Variants in SNX7 observed in about 807,000 individuals in gnomAD.
The protein encoded by SNX7 is sorting nexin-7.
A neutral mutation model predicts 48.4 loss-of-function variants in SNX7; 35 were observed. The observed-to-expected ratio is 0.72, with a 90% CI of 0.55 to 0.96. SNX7 has a LOEUF of 0.96. Among genes scored for constraint, SNX7 ranks in the 40% least tolerant of loss-of-function variants. The pLI, the probability that SNX7 is intolerant of heterozygous loss-of-function variation, is 0.00. For synonymous variants in SNX7, 190 were observed against 190.2 expected (o/e 1.00, Z 0.01); for missense variants, 553 against 548.9 (o/e 1.01, Z -0.07).
At chr1:98,663,665 A>G (rs1449142800) in intron 1 of SNX7, among the ~76,000 whole-genome samples, 1 of 152,180 alleles carries the variant, frequency 6.6e-6, no homozygotes. Context: ...TCTCAGACTA[A>G]GGAATCTAGA....
intron 8 of SNX7, among the ~76,000 whole-genome samples, chr1:98,739,956 A>G (rs1482140): frequency 0.94 from 143,361 of 152,198 alleles, 67,878 homozygotes; most frequent in Non-Finnish European, 0.99. Flanking sequence ...TACATGGGTC[A>G]GAGTTAGGCA....
At chr1:98,712,779 T>C (rs563340350) in intron 7 of SNX7, among the ~76,000 whole-genome samples, 7 of 152,096 alleles carry the variant, frequency 4.6e-5, no homozygotes, top group Admixed American at 3.3e-4. Flanking sequence ...AAGTCTTAGA[T>C]AGCATCTTCC....
intron 7 of SNX7, among the ~76,000 whole-genome samples, chr1:98,725,922 C>T (rs1653141626): frequency 2.0e-5 from 3 of 152,166 alleles, no homozygotes; most frequent in Non-Finnish European, 4.4e-5. Context: ...CCCACCAACA[C>T]TCTCAGGCTT....
chr1:98,717,605 C>A (rs1652657651), intron 7 of SNX7, among the ~76,000 whole-genome samples: 1 of 152,126 alleles, frequency 6.6e-6, no homozygotes, highest in Non-Finnish European at 1.5e-5. Flanking sequence ...GTGATAAATT[C>A]TCTTTGCCAG....
chr1:98,680,436 G>C (rs1650416683), intron 1 of SNX7, among the ~76,000 whole-genome samples: 1 of 152,190 alleles, frequency 6.6e-6, no homozygotes, highest in Non-Finnish European at 1.5e-5. Context: ...TTAACATTCA[G>C]TTCCTTGTTA....
chr1:98,695,515 TAGGA>T lies in SNX7; in HGVS notation c.640-1_642del. Reference sequence around the variant, plus strand: ...CTAGAAATACTTGGTTTTTTGTTTCTAGGAACTCTCTTCTCACAAGAAGCAAGGT... The same window carrying T: ...CTAGAAATACTTGGTTTTTTGTTTCTACTCTCTTCTCACAAGAAGCAAGGT... On this transcript the variant is annotated splice_acceptor_variant and coding_sequence_variant, in exon 5 of 9. Coordinates refer to ENST00000306121, the MANE Select transcript of SNX7 (RefSeq NM_015976.5). LOFTEE classifies it high-confidence loss of function. 1 of 1,611,906 alleles carries T rather than the reference TAGGA, an allele frequency of 6.2e-7. No homozygotes were observed. The highest frequency in any genetic ancestry group is 1.7e-5 in the Admixed American group (1 of 59,670).
intron 7 of SNX7, among the ~76,000 whole-genome samples, chr1:98,718,278 A>G (rs561898011): frequency 1.3e-4 from 20 of 152,258 alleles, no homozygotes; most frequent in Admixed American, 3.3e-4. Context: ...ATACATTAAT[A>G]TAGAAATAAC....
intron 1 of SNX7, among the ~76,000 whole-genome samples, chr1:98,664,512 G>A (rs1040907844): frequency 1.3e-5 from 2 of 152,096 alleles, no homozygotes; most frequent in Non-Finnish European, 2.9e-5. Flanking sequence ...CCTGAGTGAC[G>A]GAGTGAGACT....
chr1:98,666,439 A>C (rs1649540853), intron 1 of SNX7, among the ~76,000 whole-genome samples: 1 of 152,114 alleles, frequency 6.6e-6, no homozygotes, highest in African/African-American at 2.4e-5. Context: ...AATAAGGGGT[A>C]TGTTCCCTGA....
intron 8 of SNX7, among the ~76,000 whole-genome samples, chr1:98,741,504 CT>C (rs1237692955): frequency 3.9e-5 from 6 of 152,130 alleles, no homozygotes; most frequent in Non-Finnish European, 8.8e-5. Context: ...TCAAATGAAA[CT>C]TTTACTAGGT....
chr1:98,746,946 T>C (rs532721300), intron 8 of SNX7, among the ~76,000 whole-genome samples: 191 of 152,230 alleles, frequency 1.3e-3, no homozygotes, highest in African/African-American at 4.3e-3. Context: ...AATGATAATA[T>C]GCTTTTTAGA....
chr1:98,685,131 C>T (rs777605942), intron 2 of SNX7, 64 bp downstream of exon 2: 2 of 993,146 alleles, frequency 2.0e-6, no homozygotes, highest in East Asian at 2.7e-5. Context: ...GAAGTAAGTA[C>T]CTCTTGTTCA....
At chr1:98,747,422 G>C (rs919514469) in intron 8 of SNX7, among the ~76,000 whole-genome samples, 11 of 152,244 alleles carry the variant, frequency 7.2e-5, no homozygotes, top group East Asian at 1.9e-4. Flanking sequence ...GTGATTAGGA[G>C]GTTTCACTTG....
chr1:98,733,584 A>C (rs1653626941), intron 7 of SNX7, among the ~76,000 whole-genome samples: 1 of 152,128 alleles, frequency 6.6e-6, no homozygotes. Flanking sequence ...TCCAAGGTAA[A>C]CATGCTTCTG....
At chr1:98,721,049 C>A (rs12024022) in intron 7 of SNX7, among the ~76,000 whole-genome samples, 43,792 of 151,822 alleles carry the variant, frequency 0.29, 6,837 homozygotes, top group Non-Finnish European at 0.34. Flanking sequence ...GCACATCTCC[C>A]AATAGATGTT....
chr1:98,673,010 T>A (rs951882952), intron 1 of SNX7, among the ~76,000 whole-genome samples: 3 of 149,536 alleles, frequency 2.0e-5, no homozygotes, highest in Non-Finnish European at 4.5e-5. Context: ...ATTAATCACC[T>A]CCAATTGGCT....
At chr1:98,722,243 A>G (rs1250251688) in intron 7 of SNX7, among the ~76,000 whole-genome samples, 1 of 152,130 alleles carries the variant, frequency 6.6e-6, no homozygotes, top group Admixed American at 6.6e-5. Context: ...GGTTTCAGAG[A>G]GAGAGGTTTC....
In SNX7 at chr1:98,721,716, A is replaced by G. The variant is rs945608270; in HGVS notation, c.1126-16521A>G. ...TGGCCTGTGAAGTTCTGTGAAATAA[A>G]TAAATTTTGATTTTTGGCTTTGAAA... On this transcript the variant is annotated intron_variant, in intron 7 of 8. Transcript: ENST00000306121. Among the ~76,000 whole-genome samples, 13 of 152,208 alleles carry G rather than the reference A, an allele frequency of 8.5e-5. No individual in the cohort carries two copies. In the East Asian group the frequency reaches 2.5e-3, roughly 29 times the overall value.
At chr1:98,753,381 A>C (rs1358572181) in intron 8 of SNX7, among the ~76,000 whole-genome samples, 3 of 152,208 alleles carry the variant, frequency 2.0e-5, no homozygotes, top group African/African-American at 7.2e-5. Context: ...TCACATCACT[A>C]ATTAGCATGG....
Sources: allele counts gnomAD v4.1 joint callset (sites outside exome capture counted in the v4.1 genomes callset), GRCh38; gene constraint gnomAD v4.1.1; transcripts MANE v1.5; gene names NCBI Gene and HGNC (gene_info 2026-07-23, HGNC 2026-07-21).